Variants in KDM5B observed in about 807,000 individuals in gnomAD.
KDM5B encodes lysine-specific demethylase 5B.
In KDM5B, 144 loss-of-function variants were observed where a neutral mutation model predicts 193.4. That is an observed-to-expected ratio of 0.74 (90% confidence interval 0.65 to 0.86). The LOEUF (loss-of-function observed/expected upper bound fraction) is 0.86. KDM5B is among the 40% of genes least tolerant of loss of function. The pLI, the probability that KDM5B is intolerant of heterozygous loss-of-function variation, is 0.00. For synonymous variants in KDM5B, 668 were observed against 682.6 expected, an observed-to-expected ratio of 0.98 and a Z score of 0.33; for missense variants, 1,833 against 1,886.9, an observed-to-expected ratio of 0.97 and a Z score of 0.53.
intron 4 of KDM5B, among the ~76,000 whole-genome samples, chr1:202,772,765 C>T (rs1400817340): frequency 1.3e-5 from 2 of 151,770 alleles, no homozygotes; most frequent in Non-Finnish European, 2.9e-5. Flanking sequence ...GGCACCATCT[C>T]GGCTCACTGC....
In KDM5B at chr1:202,755,321, G is replaced by A. The variant is rs1655964180; in HGVS notation, c.1488C>T (p.Phe496=). ...TCCAGTGGTCTTCAATGTGCCAACA[G>A]AATGAAGAAAAGCACATTCCCACAT... ...WLYVGMCFSS[F]CWHIEDHWSY... The change falls in exon 11 of 27, where the codon TTC becomes TTT. Residue 496 remains phenylalanine, a synonymous_variant. Coordinates refer to ENST00000367265, the MANE Select transcript of KDM5B (RefSeq NM_006618.5). 6.2e-7 allele frequency: 1 copy of A among 1,614,086 alleles called. No individual in the cohort carries two copies. The highest frequency in any genetic ancestry group is 1.3e-5 in the African/African-American group (1 of 75,048).
intron 26 of KDM5B, 66 bp downstream of exon 26, chr1:202,729,641 A>T: frequency 7.4e-7 from 1 of 1,357,482 alleles, no homozygotes; most frequent in East Asian, 2.3e-5. Context: ...CAGCGAGATG[A>T]GGTCTAGCTT....
intron 1 of KDM5B, among the ~76,000 whole-genome samples, chr1:202,798,112 T>A (rs1050267267): frequency 6.6e-6 from 1 of 152,172 alleles, no homozygotes; most frequent in Non-Finnish European, 1.5e-5. Context: ...GGTGGAAGGA[T>A]GACTTGAGCC....
chr1:202,727,670 G>A lies in KDM5B; in HGVS notation c.*1366C>T, dbSNP rs1305619273. 2 of 152,548 alleles carry A rather than the reference G, an allele frequency of 1.3e-5. No individual in the cohort carries two copies. Among genetic ancestry groups the A allele is most frequent in the Admixed American group, 1.3e-4 (2 of 15,270 alleles). 9.4% of individuals were successfully genotyped at this position (152,548 alleles called of 1,614,324 possible). Reference sequence around the variant, plus strand: ...AAAGAAAAGCAAGGAAAATAGCTATGGGCTATCCACAGCCAGTAATGATAG... The same window carrying A: ...AAAGAAAAGCAAGGAAAATAGCTATAGGCTATCCACAGCCAGTAATGATAG... On this transcript the variant is annotated 3_prime_UTR_variant, in exon 27 of 27. Coordinates refer to ENST00000367265, the MANE Select transcript of KDM5B (RefSeq NM_006618.5).
intron 1 of KDM5B, among the ~76,000 whole-genome samples, chr1:202,789,471 C>T (rs1038840510): frequency 6.8e-6 from 1 of 146,118 alleles, no homozygotes; most frequent in Admixed American, 6.9e-5. Flanking sequence ...CAAAGTGAGC[C>T]GAGACAAGTG....
At chr1:202,731,608 C>A (rs188090909) in intron 24 of KDM5B, among the ~76,000 whole-genome samples, 23 of 152,336 alleles carry the variant, frequency 1.5e-4, no homozygotes, top group Non-Finnish European at 2.8e-4. Context: ...TGAACCCTTT[C>A]ATCCCTGAGG....
chr1:202,795,929 G>GGA (rs1288078568), intron 1 of KDM5B: 19 of 152,086 alleles, frequency 1.2e-4, no homozygotes, highest in African/African-American at 4.6e-4. Flanking sequence ...TAAAATACAG[G>GGA]GAGTCAGTCT....
intron 1 of KDM5B, among the ~76,000 whole-genome samples, chr1:202,798,399 T>C (rs944634202): frequency 2.6e-5 from 4 of 151,276 alleles, no homozygotes; most frequent in Middle Eastern, 6.8e-3. Context: ...CCTCCCCAAG[T>C]GCTGGGATTA....
At chr1:202,801,837 TATG>T (rs1462095378) in intron 1 of KDM5B, among the ~76,000 whole-genome samples, 3 of 152,148 alleles carry the variant, frequency 2.0e-5, no homozygotes, top group African/African-American at 7.2e-5. Context: ...AGCCTAAGAA[TATG>T]GCTTTCCCAA....
At position 202,742,859 on chromosome 1, in the gene KDM5B, T is replaced by G. The variant is rs907155255; in HGVS notation, c.2324-54A>C. The G allele has an allele frequency of 6.8e-6, 10 of 1,477,074 alleles. No individual in the cohort carries two copies. In the African/African-American group the frequency reaches 1.4e-4, roughly 21 times the overall value. The allele number at this position is 1,477,074 out of a possible 1,614,324, so 91.5% of individuals were successfully genotyped here. On this transcript the variant is annotated intron_variant, in intron 16 of 26. Coordinates refer to ENST00000367265, the MANE Select transcript of KDM5B (RefSeq NM_006618.5). ...CTGTAATCATTATGTTTATTACTAC[T>G]GGTATGAAATTCAGAGGAGACTGGT...
chr1:202,806,199 A>G (rs1406278587), intron 1 of KDM5B, among the ~76,000 whole-genome samples: 2 of 152,198 alleles, frequency 1.3e-5, no homozygotes, highest in Admixed American at 6.5e-5. Flanking sequence ...AAAACAAGAT[A>G]AAGGATTTAC....
At chr1:202,753,823 C>T (rs755401877) in intron 11 of KDM5B, among the ~76,000 whole-genome samples, 1 of 152,088 alleles carries the variant, frequency 6.6e-6, no homozygotes, top group Non-Finnish European at 1.5e-5. Flanking sequence ...GCGTGCACCA[C>T]CATGCCCAGC....
At chr1:202,800,243 C>T (rs1658018913) in intron 1 of KDM5B, among the ~76,000 whole-genome samples, 2 of 151,970 alleles carry the variant, frequency 1.3e-5, no homozygotes, top group Admixed American at 6.6e-5. Flanking sequence ...AGGGTTTCAC[C>T]ATGTTGGCCA....
chr1:202,787,954 G>T (rs1372805282), intron 1 of KDM5B, among the ~76,000 whole-genome samples: 1 of 152,054 alleles, frequency 6.6e-6, no homozygotes, highest in African/African-American at 2.4e-5. Flanking sequence ...GCTGAAAGGG[G>T]GGAGTTTTCT....
chr1:202,734,609 G>A (rs1415437892), intron 22 of KDM5B, among the ~76,000 whole-genome samples: 1 of 152,180 alleles, frequency 6.6e-6, no homozygotes, highest in Non-Finnish European at 1.5e-5. Flanking sequence ...CTCAGGAGAG[G>A]GGGACTGTAA....
At chr1:202,803,154 A>T (rs1054867784) in intron 1 of KDM5B, among the ~76,000 whole-genome samples, 25 of 148,494 alleles carry the variant, frequency 1.7e-4, no homozygotes, top group Admixed American at 2.7e-4. Flanking sequence ...GAGTGAGATT[A>T]AAAAAAAAAG....
At chr1:202,732,114 A>T (rs769647013) in intron 23 of KDM5B, 175 bp from the exon 24 acceptor site, 45 of 554,098 alleles carry the variant, frequency 8.1e-5, no homozygotes, top group Non-Finnish European at 1.3e-4. Flanking sequence ...GGCCAAATCA[A>T]CTCATATCTT....
At chr1:202,807,816 A>G (rs1158644000) in intron 1 of KDM5B, among the ~76,000 whole-genome samples, 1 of 151,442 alleles carries the variant, frequency 6.6e-6, no homozygotes, top group East Asian at 2.0e-4. Flanking sequence ...TCCATCCGGA[A>G]CCGAACCCGA....
chr1:202,742,309 G>T, intron 18 of KDM5B, 82 bp downstream of exon 18: 1 of 928,616 alleles, frequency 1.1e-6, no homozygotes, highest in Admixed American at 2.0e-5. Context: ...CATCAAAGAA[G>T]ATTACTTAGT....
Sources: gnomAD v4.1 joint callset for allele counts (sites outside exome capture counted in the v4.1 genomes callset) on GRCh38, gnomAD v4.1.1 for gene constraint, MANE v1.5 for transcripts, NCBI Gene and HGNC (gene_info 2026-07-23, HGNC 2026-07-21) for gene names.